TRIM45: variants seen among roughly 807,000 people sequenced by gnomAD.
TRIM45 encodes the protein tripartite motif containing 45, also known as E3 ubiquitin-protein ligase TRIM45.
Under a neutral mutation model 46.7 loss-of-function variants are expected in TRIM45, and 45 were observed. The observed-to-expected ratio is 0.96, with a 90% CI of 0.76 to 1.24. TRIM45 has a LOEUF of 1.24. TRIM45 is among the 50% of genes most tolerant of loss of function. TRIM45 has a pLI of 0.00. For missense variants in TRIM45, 680 were observed against 728.4 expected (o/e 0.93, Z 0.77); for synonymous variants, 259 against 285.8 (o/e 0.91, Z 0.94).
Position 117,121,263 on chromosome 1 carries a change from G to A in TRIM45, c.-62C>T. 1 of 1,493,222 alleles carries A rather than the reference G, an allele frequency of 6.7e-7. No individual in the cohort carries two copies. The highest frequency in any genetic ancestry group is 8.9e-7 in the Non-Finnish European group (1 of 1,128,280). The allele number at this position is 1,493,222 out of a possible 1,614,324, so 92.5% of individuals were successfully genotyped here. A position where few individuals can be genotyped will look rare whatever the true frequency, so the allele number is the denominator to read the frequency against. ...TGGGCAGTTCTACGATTTAGTAGCAGGTGATTAAGCCCACCCAAAGAGAAA... is the reference window on the plus strand; with the variant it reads ...TGGGCAGTTCTACGATTTAGTAGCAAGTGATTAAGCCCACCCAAAGAGAAA... On this transcript the variant is annotated 5_prime_UTR_variant, in exon 1 of 6. Coordinates refer to ENST00000256649, the MANE Select transcript of TRIM45 (RefSeq NM_025188.4). This position sits in a 1 kb window ranked among gnomAD's most constrained non-coding sequence, Gnocchi z 4.2.
rs371774048 is a variant in TRIM45 at position 117,112,335 on chromosome 1, C to T, written c.1713G>A (p.Pro571=). The T allele has an allele frequency of 7.6e-5, 122 of 1,613,002 alleles. 1 individual carries two copies. The highest frequency in any genetic ancestry group is 1.6e-4 in the African/African-American group (12 of 74,896). The part of the protein sequence containing the change: ...ECTWTGGQSA[P]RSLLRTVAL The stretch of plus-strand genomic sequence containing the variant: ...GAGCCACAGTCCTAAGTAGACTCCT[C>T]GGTGCGCTCTGCCCACCTGTCCATG... The change falls in exon 6 of 6, where the codon CCG becomes CCA. Residue 571 remains proline, a synonymous_variant. Coordinates refer to ENST00000256649, the MANE Select transcript of TRIM45 (RefSeq NM_025188.4).
chr1:117,118,011 G>T lies in TRIM45; in HGVS notation c.1222+23C>A, dbSNP rs1439456020. The T allele has an allele frequency of 6.3e-7, 1 of 1,599,136 alleles. No individual in the cohort carries two copies. The highest frequency in any genetic ancestry group is 1.7e-5 in the Admixed American group (1 of 59,188). ...CCTCCCTGTCCACTGCCCTCTCAAT[G>T]TCAATGGGAAATGCCTTCCTACCTT... On this transcript the variant is annotated intron_variant, in intron 2 of 5. Coordinates refer to ENST00000256649, the MANE Select transcript of TRIM45 (RefSeq NM_025188.4). This position sits in a 1 kb window ranked among gnomAD's most constrained non-coding sequence, Gnocchi z 5.7.
chr1:117,112,437 A>G lies in TRIM45; in HGVS notation c.1611T>C (p.Cys537=). Residue 537 remains cysteine, a synonymous_variant, in exon 6 of 6, where the codon TGT becomes TGC. Coordinates refer to ENST00000256649, the MANE Select transcript of TRIM45 (RefSeq NM_025188.4). ...CTGGGTGGCCTTTGTGTCCATGGCCACAGCCTAGGTACCCACCTACATGGG... is the reference window on the plus strand; with the variant it reads ...CTGGGTGGCCTTTGTGTCCATGGCCGCAGCCTAGGTACCCACCTACATGGG... The part of the protein sequence containing the change: ...GGTMPGGYLG[C]GHGHKGHPGH... 1 of 1,613,426 alleles carries G rather than the reference A, an allele frequency of 6.2e-7. No individual in the cohort carries two copies. Among genetic ancestry groups the G allele is most frequent in the Non-Finnish European group, 8.5e-7 (1 of 1,179,694 alleles).
At chr1:117,112,494 G>A (rs767559938) in intron 5 of TRIM45, 41 bp from the exon 6 acceptor site, 2 of 1,566,282 alleles carry the variant, frequency 1.3e-6, no homozygotes, top group Non-Finnish European at 8.7e-7. Flanking sequence ...TCAACCATTA[G>A]CGTGGAGGCC....
chr1:117,112,217 C>G lies in TRIM45; in HGVS notation c.*88G>C. On this transcript the variant is annotated 3_prime_UTR_variant, in exon 6 of 6. Transcript: ENST00000256649. The stretch of plus-strand genomic sequence containing the variant: ...TAAGGCACTTTGTTTTTAATTCTAT[C>G]AGTCTCTTTAGAATGAACGAAGGTC... The G allele has an allele frequency of 7.7e-7, 1 of 1,294,318 alleles. No individual in the cohort carries two copies. The highest frequency in any genetic ancestry group is 1.0e-6 in the Non-Finnish European group (1 of 995,492). 80.2% of individuals were successfully genotyped at this position (1,294,318 alleles called of 1,614,324 possible). A position where few individuals can be genotyped will look rare whatever the true frequency, so the allele number is the denominator to read the frequency against.
chr1:117,118,694 G>A lies in TRIM45; in HGVS notation c.562C>T (p.Pro188Ser), dbSNP rs1273145189. 2 of 1,613,816 alleles carry A rather than the reference G, an allele frequency of 1.2e-6. No individual in the cohort carries two copies. The highest frequency in any genetic ancestry group is 1.7e-6 in the Non-Finnish European group (2 of 1,180,050). ...DLKGYSRIGK[P>S]ILCPVHPAEE... Reference sequence around the variant, plus strand: ...GCAGGGTGAACAGGACACAGGATGGGCTTCCCAATCCGGCTGTAGCCTTTC... The same window carrying A: ...GCAGGGTGAACAGGACACAGGATGGACTTCCCAATCCGGCTGTAGCCTTTC... The change falls in exon 2 of 6, where the codon CCC (proline) becomes TCC (serine). Residue 188 changes from proline (P) to serine (S), a missense_variant. By Grantham distance (74) the Pro-to-Ser change is moderately conservative (BLOSUM62 -1). Transcript: ENST00000256649. The surrounding 1 kb of genome is among the most constrained non-coding windows in gnomAD (Gnocchi z 5.7).
In TRIM45 at chr1:117,115,481, A is replaced by T; in HGVS notation, c.1467+94T>A. On this transcript the variant is annotated intron_variant, in intron 4 of 5. Coordinates refer to ENST00000256649, the MANE Select transcript of TRIM45 (RefSeq NM_025188.4). This position sits in a 1 kb window ranked among gnomAD's most constrained non-coding sequence, Gnocchi z 4.2. Reference sequence around the variant, plus strand: ...AGAAGAAGACATGGGGATTCTATTCAATCTCTCTGTATAGCTGATCCTATG... The same window carrying T: ...AGAAGAAGACATGGGGATTCTATTCTATCTCTCTGTATAGCTGATCCTATG... The T allele has an allele frequency of 1.1e-6, 1 of 882,714 alleles. No homozygotes were observed. Among genetic ancestry groups the T allele is most frequent in the Non-Finnish European group, 1.8e-6 (1 of 542,524 alleles). The allele number at this position is 882,714 out of a possible 1,614,324, so 54.7% of individuals were successfully genotyped here. A position where few individuals can be genotyped will look rare whatever the true frequency, so the allele number is the denominator to read the frequency against.
In TRIM45 at chr1:117,115,017, T is replaced by C. The variant is rs1350769060; in HGVS notation, c.1467+558A>G. ...AGCAGAAAGTGCTCTACTTGTGTTA[T>C]ACTTGTTTGTAGAAACCATGGTAAC... On this transcript the variant is annotated intron_variant, in intron 4 of 5. Transcript: ENST00000256649. This position sits in a 1 kb window ranked among gnomAD's most constrained non-coding sequence, Gnocchi z 4.2. 6.6e-6 allele frequency among the ~76,000 whole-genome samples: 1 copy of C among 152,238 alleles called. No individual in the cohort carries two copies. Among genetic ancestry groups the C allele is most frequent in the East Asian group, 1.9e-4 (1 of 5,194 alleles).
At position 117,120,666 on chromosome 1, in the gene TRIM45, T is replaced by C. The variant is rs144175036; in HGVS notation, c.488+48A>G. 29 of 1,538,214 alleles carry C rather than the reference T, an allele frequency of 1.9e-5. No individual in the cohort carries two copies. The African/African-American group carries it at 3.9e-4, about 20-fold the overall frequency. ...ACCGAGGGATTTGTCTTGACACCTC[T>C]TTGTAATCTGCTCTTAAGCTACACC... On this transcript the variant is annotated intron_variant, in intron 1 of 5. Transcript: ENST00000256649.
At chr1:117,123,378 C>T (rs1200274398), upstream of TRIM45, among the ~76,000 whole-genome samples, 1 of 152,184 alleles carries the variant, frequency 6.6e-6, no homozygotes, top group African/African-American at 2.4e-5. Flanking sequence ...ATCTCTTGTT[C>T]ATACTGTATC....
chr1:117,113,279 T>C lies in TRIM45; in HGVS notation c.1594+80A>G. On this transcript the variant is annotated intron_variant, in intron 5 of 5. Coordinates refer to ENST00000256649, the MANE Select transcript of TRIM45 (RefSeq NM_025188.4). The surrounding 1 kb of genome is among the most constrained non-coding windows in gnomAD (Gnocchi z 4.0). ...ACAGAGCCTAAGTCCAAATGTCTAG[T>C]GGCTGTGTGGTAGGGAAGGGCCCGT... is the stretch of plus-strand genomic sequence containing the variant. The C allele has an allele frequency of 1.3e-6, 2 of 1,559,354 alleles. No homozygotes were observed. The highest frequency in any genetic ancestry group is 1.7e-6 in the Non-Finnish European group (2 of 1,147,540).
At chr1:117,123,923 G>C (rs565805818), upstream of TRIM45, among the ~76,000 whole-genome samples, 17 of 152,088 alleles carry the variant, frequency 1.1e-4, no homozygotes, top group African/African-American at 4.1e-4. Flanking sequence ...GAGCCACCGC[G>C]CCTGGCCACC....
At position 117,116,701 on chromosome 1, in the gene TRIM45, G is replaced by T; in HGVS notation, c.1267C>A (p.Leu423Ile). Residue 423 changes from leucine to isoleucine, a missense_variant, in exon 3 of 6, where the codon CTT becomes ATT. By Grantham distance (5) the Leu-to-Ile change is conservative. Around this residue, in one of 3 missense-constraint regions of TRIM45, gnomAD observed 322 missense variants for 359.3 expected, o/e 0.90. Coordinates refer to ENST00000256649, the MANE Select transcript of TRIM45 (RefSeq NM_025188.4). This position sits in a 1 kb window ranked among gnomAD's most constrained non-coding sequence, Gnocchi z 4.6. The stretch of plus-strand genomic sequence containing the variant: ...ATTTCTCCTGCGGCATCCTTACAAA[G>T]CAGGGTGAAAGAGGCCGTCTGTTTC... ...REKQTASFTL[L>I]CKDAAGEIMG... 1 of 1,614,106 alleles carries T rather than the reference G, an allele frequency of 6.2e-7. No homozygotes were observed. The highest frequency in any genetic ancestry group is 1.1e-5 in the South Asian group (1 of 91,066).
chr1:117,118,471 A>C lies in TRIM45; in HGVS notation c.785T>G (p.Ile262Arg). Residue 262 changes from isoleucine (I) to arginine (R), a missense_variant, in exon 2 of 6, where the codon ATA becomes AGA. Ile to Arg is a moderately conservative substitution (Grantham distance 97, BLOSUM62 -3). This residue lies in a region of TRIM45 where 349 missense variants were observed against 343.6 expected (regional missense o/e 1.02). Transcript: ENST00000256649. This position sits in a 1 kb window ranked among gnomAD's most constrained non-coding sequence, Gnocchi z 5.7. ...CACTCGCTTCTGGAGGGCACTGTTT[A>C]TTATGTGGATCTGAGCCAGGGCTTC... is the stretch of plus-strand genomic sequence containing the variant. The part of the protein sequence containing the change: ...LEEALAQIHI[I>R]NSALQKRVEA... The C allele has an allele frequency of 6.2e-7, 1 of 1,613,848 alleles. No homozygotes were observed. Among genetic ancestry groups the C allele is most frequent in the Non-Finnish European group, 8.5e-7 (1 of 1,180,010 alleles).
Position 117,120,907 on chromosome 1 carries a change from C to T in TRIM45, c.295G>A (p.Ala99Thr). ...CCACCCATGGGCAGGTCCACCTGAGCATCACATACAGGACAAAGGATGCCG... is the reference window on the plus strand; with the variant it reads ...CCACCCATGGGCAGGTCCACCTGAGTATCACATACAGGACAAAGGATGCCG... Reference protein sequence around the residue: ...QIGILCPVCDAQVDLPMGGVK... With the variant: ...QIGILCPVCDTQVDLPMGGVK... Residue 99 changes from alanine (A) to threonine (T), a missense_variant, in exon 1 of 6, where the codon GCT (alanine) becomes ACT (threonine). Coordinates refer to ENST00000256649, the MANE Select transcript of TRIM45 (RefSeq NM_025188.4). 1 of 1,614,234 alleles carries T rather than the reference C, an allele frequency of 6.2e-7. No individual in the cohort carries two copies. Among genetic ancestry groups the T allele is most frequent in the Non-Finnish European group, 8.5e-7 (1 of 1,180,038 alleles).
chr1:117,112,397 A>T lies in TRIM45; in HGVS notation c.1651T>A (p.Ser551Thr). 1 of 1,614,108 alleles carries T rather than the reference A, an allele frequency of 6.2e-7. No homozygotes were observed. The highest frequency in any genetic ancestry group is 8.5e-7 in the Non-Finnish European group (1 of 1,179,988). Residue 551 changes from serine to threonine, a missense_variant, in exon 6 of 6, where the codon TCA becomes ACA. Transcript: ENST00000256649. ...TTCTCATTAAATTTTCCACAGCATGACCAGTGGGGATGACCTGGGTGGCCT... is the reference window on the plus strand; with the variant it reads ...TTCTCATTAAATTTTCCACAGCATGTCCAGTGGGGATGACCTGGGTGGCCT... ...HKGHPGHPHW[S>T]CCGKFNEKSE...
chr1:117,120,919 G>C lies in TRIM45; in HGVS notation c.283C>G (p.Pro95Ala). 1.2e-6 allele frequency: 2 copies of C among 1,614,162 alleles called. No individual in the cohort carries two copies. Among genetic ancestry groups the C allele is most frequent in the Non-Finnish European group, 1.7e-6 (2 of 1,180,028 alleles). ...AGGTCCACCTGAGCATCACATACAG[G>C]ACAAAGGATGCCGATCTGCGACTGC... ...SLQSQIGILC[P>A]VCDAQVDLPM... Residue 95 changes from proline (P) to alanine (A), a missense_variant, in exon 1 of 6, where the codon CCT becomes GCT. By Grantham distance (27) the Pro-to-Ala change is conservative. Transcript: ENST00000256649.
upstream of TRIM45, chr1:117,121,810 G>C (rs932110002): frequency 1.4e-6 from 1 of 710,824 alleles, no homozygotes; most frequent in South Asian, 1.5e-5. This position sits in a 1 kb window ranked among gnomAD's most constrained non-coding sequence, Gnocchi z 4.2. Context: ...GTCCGAGAGC[G>C]GCGGCCCTCG....
rs746124349 is a variant in TRIM45 at position 117,121,210 on chromosome 1, C to T, written c.-9G>A. The T allele has an allele frequency of 1.0e-5, 16 of 1,528,296 alleles. No individual in the cohort carries two copies. In the Admixed American group the frequency reaches 3.4e-4, roughly 33 times the overall value. 94.7% of individuals were successfully genotyped at this position (1,528,296 alleles called of 1,614,324 possible). On this transcript the variant is annotated 5_prime_UTR_variant, in exon 1 of 6. In the 5' UTR this introduces an upstream ATG that the reference lacks. Coordinates refer to ENST00000256649, the MANE Select transcript of TRIM45 (RefSeq NM_025188.4). This position sits in a 1 kb window ranked among gnomAD's most constrained non-coding sequence, Gnocchi z 4.2. The stretch of plus-strand genomic sequence containing the variant: ...TTTCTGTTTTCTGACATACTCCTCA[C>T]GTTTGTGACCAATATTAGAAAGGGC...
Sources: allele counts gnomAD v4.1 joint callset (sites outside exome capture counted in the v4.1 genomes callset), GRCh38; gene constraint gnomAD v4.1.1; regional missense constraint gnomAD v4.1.1; non-coding constraint Gnocchi (gnomAD v3.1); transcripts MANE v1.5; gene names NCBI Gene and HGNC (gene_info 2026-07-23, HGNC 2026-07-21).